Variants in CTNNA2 observed in about 807,000 individuals in gnomAD.
CTNNA2 encodes catenin alpha-2.
In CTNNA2, 42 loss-of-function variants were observed where a neutral mutation model predicts 101.0. The ratio of observed to expected loss-of-function variants is 0.42; its 90% CI spans 0.32 to 0.54. The LOEUF (loss-of-function observed/expected upper bound fraction) is 0.54, where lower values mean the gene tolerates loss of function less well. Among genes scored for constraint, CTNNA2 ranks in the 20% least tolerant of loss-of-function variants. CTNNA2 has a pLI of 0.14. For missense variants in CTNNA2, 871 were observed against 1,223.1 expected (o/e 0.71, Z 4.29); for synonymous variants, 450 against 456.4 (o/e 0.99, Z 0.18).
At chr2:80,558,662 TG>T (rs1693273362) in intron 12 of CTNNA2, among the ~76,000 whole-genome samples, 1 of 152,134 alleles carries the variant, frequency 6.6e-6, no homozygotes, top group Admixed American at 6.6e-5. Context: ...CATGTTGAAT[TG>T]GCCACTTTTC....
chr2:80,304,937 GGGAGGGAGGT>G, intron 7 of CTNNA2: 1 of 320,310 alleles, frequency 3.1e-6, no homozygotes, highest in Non-Finnish European at 4.5e-6. Context: ...AAAAGGAGGG[GGGAGGGAGGT>G]GGAGGTAGGG....
At chr2:79,572,724 C>G (rs932531101) in intron 1 of CTNNA2, among the ~76,000 whole-genome samples, 1 of 152,078 alleles carries the variant, frequency 6.6e-6, no homozygotes, top group Non-Finnish European at 1.5e-5. Flanking sequence ...TGCATTCCAG[C>G]GTGGGTGACA....
intron 2 of CTNNA2, among the ~76,000 whole-genome samples, chr2:79,253,604 A>G (rs1276435524): frequency 1.3e-5 from 2 of 152,036 alleles, no homozygotes; most frequent in Non-Finnish European, 2.9e-5. Flanking sequence ...GATAATGGAC[A>G]TTGGTTGCCC....
At chr2:79,682,799 A>G (rs755128624) in intron 2 of CTNNA2, among the ~76,000 whole-genome samples, 1 of 152,108 alleles carries the variant, frequency 6.6e-6, no homozygotes, top group Non-Finnish European at 1.5e-5. Context: ...TTTTTCATTT[A>G]CCTCTCTGTA....
At chr2:79,284,638 G>A (rs943059466) in intron 2 of CTNNA2, among the ~76,000 whole-genome samples, 1 of 149,484 alleles carries the variant, frequency 6.7e-6, no homozygotes, top group African/African-American at 2.4e-5. Context: ...TAAGCTTTTT[G>A]ATGTGCTGCT....
At chr2:79,519,228 CAAA>C (rs35330716) in intron 1 of CTNNA2, among the ~76,000 whole-genome samples, 1 of 50,812 alleles carries the variant, frequency 2.0e-5, no homozygotes. Context: ...GACTCCGTCT[CAAA>C]AAAAAAAAAA....
At chr2:79,186,195 T>C (rs1673777148) in intron 1 of CTNNA2, among the ~76,000 whole-genome samples, 1 of 152,196 alleles carries the variant, frequency 6.6e-6, no homozygotes. Flanking sequence ...CACTTGATAG[T>C]GTCTAAACAT....
At chr2:79,698,214 G>A (rs183644090) in intron 2 of CTNNA2, among the ~76,000 whole-genome samples, 11 of 152,080 alleles carry the variant, frequency 7.2e-5, no homozygotes, top group Non-Finnish European at 1.0e-4. Context: ...TGTAAACTAT[G>A]TGTTTATTTC....
intron 2 of CTNNA2, among the ~76,000 whole-genome samples, chr2:79,271,664 G>A (rs574104111): frequency 1.6e-4 from 25 of 152,094 alleles, no homozygotes; most frequent in Admixed American, 1.6e-3. Context: ...ACTCTTTGAA[G>A]TGTTCCCCTC....
chr2:79,507,209 G>A (rs1373193697), intron 5 of CTNNA2, among the ~76,000 whole-genome samples: 3 of 152,178 alleles, frequency 2.0e-5, no homozygotes, highest in Admixed American at 6.5e-5. Context: ...GTCTCTTTGA[G>A]TTCTAAAATT....
At chr2:80,204,198 C>T (rs931716263) in intron 7 of CTNNA2, among the ~76,000 whole-genome samples, 1 of 152,230 alleles carries the variant, frequency 6.6e-6, no homozygotes, top group African/African-American at 2.4e-5. Context: ...TTTCCCCATT[C>T]TCTTAGTGAT....
intron 1 of CTNNA2, among the ~76,000 whole-genome samples, chr2:79,522,848 G>A (rs1036486634): frequency 3.9e-5 from 6 of 152,154 alleles, no homozygotes; most frequent in African/African-American, 1.4e-4. Context: ...TCCAATAACA[G>A]AAGATACATT....
At chr2:79,423,082 G>A (rs1005204667) in intron 4 of CTNNA2, among the ~76,000 whole-genome samples, 8 of 152,152 alleles carry the variant, frequency 5.3e-5, no homozygotes, top group African/African-American at 1.7e-4. Context: ...TGCTTAACCA[G>A]TAGAATAGAG....
At chr2:80,351,923 A>C (rs1673338627) in intron 7 of CTNNA2, among the ~76,000 whole-genome samples, 1 of 152,066 alleles carries the variant, frequency 6.6e-6, no homozygotes, top group Non-Finnish European at 1.5e-5. Context: ...TTAGCCACTC[A>C]ATTTTATAGT....
intron 12 of CTNNA2, among the ~76,000 whole-genome samples, chr2:80,568,173 C>T (rs1694235496): frequency 6.6e-6 from 1 of 152,182 alleles, no homozygotes; most frequent in South Asian, 2.1e-4. Context: ...TGAAAGGTCC[C>T]TACAGACCAA....
At chr2:79,278,852 C>T (rs1305089794) in intron 2 of CTNNA2, among the ~76,000 whole-genome samples, 2 of 152,046 alleles carry the variant, frequency 1.3e-5, no homozygotes, top group Non-Finnish European at 2.9e-5. Context: ...TCTGCTGTGG[C>T]TGGAATAGAG....
rs150028861 is a variant in CTNNA2 at position 79,766,066 on chromosome 2, C to T, written c.298+21484C>T. ...CTTAGGATAAGAGTAGTTTACACAC[C>T]GCAGTCAGTGTTATAATATTCTGTG... On this transcript the variant is annotated intron_variant, in intron 3 of 18. Coordinates refer to ENST00000402739, the MANE Select transcript of CTNNA2 (RefSeq NM_001282597.3). Among the ~76,000 whole-genome samples the T allele has an allele frequency of 5.6e-3, 858 of 152,238 alleles. 9 individuals are homozygous for T. The highest frequency in any genetic ancestry group is 0.019 in the African/African-American group (806 of 41,538).
chr2:79,234,448 T>C (rs1377155916), intron 2 of CTNNA2, among the ~76,000 whole-genome samples: 1 of 152,198 alleles, frequency 6.6e-6, no homozygotes, highest in African/African-American at 2.4e-5. Context: ...CCTACCTTTC[T>C]CTCTAGCTGC....
chr2:79,788,513 T>G (rs751334205), intron 3 of CTNNA2, among the ~76,000 whole-genome samples: 1 of 152,144 alleles, frequency 6.6e-6, no homozygotes. Context: ...AGGTTGGCAG[T>G]CATGTTGCAG....
Sources: allele counts gnomAD v4.1 joint callset (sites outside exome capture counted in the v4.1 genomes callset), GRCh38; gene constraint gnomAD v4.1.1; transcripts MANE v1.5; gene names NCBI Gene and HGNC (gene_info 2026-07-23, HGNC 2026-07-21).